Variants in SHANK2 observed in about 807,000 individuals in gnomAD.
The protein encoded by SHANK2 is SH3 and multiple ankyrin repeat domains 2.
In SHANK2, 43 loss-of-function variants were observed where a neutral mutation model predicts 133.7. That is an observed-to-expected ratio of 0.32 (90% CI 0.25 to 0.41). SHANK2 has a LOEUF of 0.41. Among genes scored for constraint, SHANK2 ranks in the 10% least tolerant of loss-of-function variants. SHANK2 has a pLI of 1.00. For synonymous variants in SHANK2, 1,017 were observed against 952.8 expected, an observed-to-expected ratio of 1.07 and a Z score of -1.24; for missense variants, 1,994 against 2,235.8, an observed-to-expected ratio of 0.89 and a Z score of 2.18.
At chr11:71,088,012 C>A (rs1951441811) in intron 8 of SHANK2, among the ~76,000 whole-genome samples, 11 of 152,282 alleles carry the variant, frequency 7.2e-5, no homozygotes, top group Non-Finnish European at 1.2e-4. Context: ...TTTAAACCTT[C>A]CTCTTCCTTG....
At chr11:70,876,205 A>G (rs1949558921) in intron 11 of SHANK2, among the ~76,000 whole-genome samples, 1 of 151,886 alleles carries the variant, frequency 6.6e-6, no homozygotes, top group African/African-American at 2.4e-5. Flanking sequence ...TACATAATAT[A>G]CACACATGTA....
At chr11:71,154,232 G>A (rs1176460547) in intron 2 of SHANK2, among the ~76,000 whole-genome samples, 1 of 152,228 alleles carries the variant, frequency 6.6e-6, no homozygotes, top group East Asian at 1.9e-4. Flanking sequence ...TAAACTCGGG[G>A]TCAAACGGCT....
At position 70,486,021 on chromosome 11, in the gene SHANK2, G is replaced by A. The variant is rs147305649; in HGVS notation, c.4272C>T (p.Pro1424=). 1,585 of 1,614,024 alleles carry A rather than the reference G, an allele frequency of 9.8e-4. 3 individuals are homozygous for A. The highest frequency in any genetic ancestry group is 1.2e-3 in the Non-Finnish European group (1,425 of 1,180,008). The change falls in exon 25 of 26, where the codon CCC becomes CCT. Residue 1424 remains proline, a synonymous_variant. Transcript: ENST00000601538. The surrounding 1 kb of genome is among the most constrained non-coding windows in gnomAD (Gnocchi z 8.0). ...CCGGGACAGAAGCTGCCCGGTCATC[G>A]GGGATATCAAAACTATTTGCAAATT... The part of the protein sequence containing the change: ...PLEFANSFDI[P]DDRAASVPAL...
chr11:71,138,189 T>C lies in SHANK2; in HGVS notation c.207+8931A>G, dbSNP rs60216747. ...GGGCGCACTCACACAGCAAAGCACC[T>C]GAACACAGCTTCTAACGGTAACTAA... On this transcript the variant is annotated intron_variant, in intron 3 of 25. Coordinates refer to ENST00000601538, the MANE Select transcript of SHANK2 (RefSeq NM_012309.5). 8.9e-3 allele frequency among the ~76,000 whole-genome samples: 460 copies of C among 51,546 alleles called. 3 individuals carry two copies. Among genetic ancestry groups the C allele is most frequent in the South Asian group, 0.014 (22 of 1,526 alleles). 33.8% of individuals were successfully genotyped at this position (51,546 alleles called of 152,430 possible).
intron 20 of SHANK2, 52 bp downstream of exon 20, chr11:70,501,871 G>C: frequency 6.5e-7 from 1 of 1,548,092 alleles, no homozygotes; most frequent in Non-Finnish European, 8.7e-7. Flanking sequence ...GTCAGTGGGG[G>C]TGCCCTAGAC....
At chr11:70,809,604 G>A (rs1225959548) in intron 12 of SHANK2, among the ~76,000 whole-genome samples, 1 of 152,124 alleles carries the variant, frequency 6.6e-6, no homozygotes, top group African/African-American at 2.4e-5. Flanking sequence ...CTGGCCATGG[G>A]GACCTTACCC....
intron 9 of SHANK2, among the ~76,000 whole-genome samples, chr11:71,067,689 CCAT>C (rs1218409161): frequency 3.3e-5 from 5 of 152,092 alleles, no homozygotes; most frequent in East Asian, 3.9e-4. Flanking sequence ...AGCAGCATCA[CCAT>C]CATCATCATC....
intron 25 of SHANK2, among the ~76,000 whole-genome samples, chr11:70,482,784 T>G (rs770170198): frequency 3.9e-5 from 6 of 152,186 alleles, no homozygotes; most frequent in Non-Finnish European, 8.8e-5. Context: ...GCTGCTCTCC[T>G]TCAGAGTACA....
intron 14 of SHANK2, among the ~76,000 whole-genome samples, chr11:70,748,199 C>G (rs112124982): frequency 2.1e-4 from 32 of 152,298 alleles, no homozygotes; most frequent in African/African-American, 7.5e-4. Flanking sequence ...CCCAGGAATT[C>G]TGAGCTGCTC....
chr11:70,491,730 T>C (rs2135758178), intron 22 of SHANK2, among the ~76,000 whole-genome samples: 1 of 152,324 alleles, frequency 6.6e-6, no homozygotes, highest in East Asian at 1.9e-4. Context: ...CACGCCTTGT[T>C]CAGGACGTGC....
At chr11:70,774,331 T>C (rs1947317249) in intron 14 of SHANK2, among the ~76,000 whole-genome samples, 1 of 151,970 alleles carries the variant, frequency 6.6e-6, no homozygotes, top group African/African-American at 2.4e-5. Flanking sequence ...CTTTTGTTTT[T>C]TTTTTTGAGA....
chr11:70,494,419 G>C (rs1555156644), intron 21 of SHANK2, among the ~76,000 whole-genome samples: 1 of 152,152 alleles, frequency 6.6e-6, no homozygotes, highest in African/African-American at 2.4e-5. Context: ...TCAGCCTCCT[G>C]AGTAGCTGGG....
In SHANK2 at chr11:70,473,414, A is replaced by G. The variant is rs2058622769; in HGVS notation, c.5005T>C (p.Ser1669Pro). The change falls in exon 26 of 26, where the codon TCA (serine) becomes CCA (proline). Residue 1669 changes from serine (S) to proline (P), a missense_variant. By Grantham distance (74) the Ser-to-Pro change is moderately conservative. Around this residue, in one of 5 missense-constraint regions of SHANK2, gnomAD observed 797 missense variants for 907.4 expected, o/e 0.88. Transcript: ENST00000601538. This position sits in a 1 kb window ranked among gnomAD's most constrained non-coding sequence, Gnocchi z 5.9. ...PRSPEIMSTI[S>P]GTRSTTVTFT... is the part of the protein sequence containing the mutation. ...GTGACCGTCGTGCTCCGTGTACCTG[A>G]GATGGTGCTCATGATCTCCGGGCTT... The G allele has an allele frequency of 6.2e-7, 1 of 1,606,030 alleles. No homozygotes were observed. The highest frequency in any genetic ancestry group is 8.5e-7 in the Non-Finnish European group (1 of 1,179,976).
chr11:71,141,253 G>A (rs1952548277), intron 3 of SHANK2, among the ~76,000 whole-genome samples: 2 of 152,112 alleles, frequency 1.3e-5, no homozygotes. Context: ...AGCAGTTTGG[G>A]AGATCGAGGT....
chr11:70,658,268 C>CAG (rs2061435833), intron 17 of SHANK2, among the ~76,000 whole-genome samples: 1 of 115,672 alleles, frequency 8.6e-6, no homozygotes, highest in Admixed American at 8.0e-5. Flanking sequence ...CACACAGACA[C>CAG]ACACACACAC....
chr11:70,670,996 C>T (rs540313454), intron 15 of SHANK2, among the ~76,000 whole-genome samples: 4 of 152,350 alleles, frequency 2.6e-5, no homozygotes, highest in South Asian at 4.1e-4. Context: ...ATTATGAAAA[C>T]GCCCTGCCCG....
intron 10 of SHANK2, among the ~76,000 whole-genome samples, chr11:70,920,261 A>G (rs974103909): frequency 6.6e-6 from 1 of 152,172 alleles, no homozygotes; most frequent in Non-Finnish European, 1.5e-5. Flanking sequence ...GTATGTATGC[A>G]TGTATGCATG....
chr11:71,219,619 G>A (rs907422090), intron 2 of SHANK2, among the ~76,000 whole-genome samples: 1 of 152,168 alleles, frequency 6.6e-6, no homozygotes, highest in Admixed American at 6.5e-5. Flanking sequence ...GGCCAGGTGT[G>A]ATGGCTCACA....
chr11:71,093,990 C>A (rs1951561928), intron 7 of SHANK2, among the ~76,000 whole-genome samples: 1 of 152,098 alleles, frequency 6.6e-6, no homozygotes, highest in African/African-American at 2.4e-5. Flanking sequence ...AAGACAGCAG[C>A]AGGGGAAGGT....
Sources: allele counts gnomAD v4.1 joint callset (sites outside exome capture counted in the v4.1 genomes callset), GRCh38; gene constraint gnomAD v4.1.1; regional missense constraint gnomAD v4.1.1; non-coding constraint Gnocchi (gnomAD v3.1); transcripts MANE v1.5; gene names NCBI Gene and HGNC (gene_info 2026-07-23, HGNC 2026-07-21).